The following TTC6 variants were observed in gnomAD, a reference collection of about 807,000 sequenced individuals.
TTC6 encodes the protein tetratricopeptide repeat protein 6.
A neutral mutation model predicts 210.4 loss-of-function variants in TTC6; 172 were observed. The ratio of observed to expected loss-of-function variants is 0.82; its 90% CI spans 0.72 to 0.93. The LOEUF is 0.93. TTC6 is among the 40% of genes least tolerant of loss of function. The pLI is 0.00. For missense variants in TTC6, 2,414 were observed against 2,318.1 expected (o/e 1.04, Z -0.85); for synonymous variants, 804 against 819.6 (o/e 0.98, Z 0.32).
At chr14:37,603,285 C>A (rs1456770526) in intron 1 of TTC6, among the ~76,000 whole-genome samples, 1 of 152,204 alleles carries the variant, frequency 6.6e-6, no homozygotes, top group East Asian at 1.9e-4. Context: ...GAGCCTGGAC[C>A]TGATGCCCGG....
exon 1 of TTC6, chr14:37,622,670 G>C (rs1038318103): frequency 6.5e-7 from 1 of 1,535,210 alleles, no homozygotes; most frequent in Admixed American, 2.0e-5. Flanking sequence ...TGGCCAAAGA[G>C]AGGAAGGCCA....
At chr14:37,650,445 A>G (rs981835601) in intron 1 of TTC6, among the ~76,000 whole-genome samples, 1 of 152,230 alleles carries the variant, frequency 6.6e-6, no homozygotes, top group Non-Finnish European at 1.5e-5. Flanking sequence ...TCATCCTAAT[A>G]TCTTATTCTA....
At chr14:37,658,064 A>G (rs915182624) in intron 1 of TTC6, among the ~76,000 whole-genome samples, 1 of 152,232 alleles carries the variant, frequency 6.6e-6, no homozygotes, top group Non-Finnish European at 1.5e-5. Context: ...AGACAAAATC[A>G]AGGATAGTAT....
At chr14:37,776,921 C>A (rs1008566788) in intron 14 of TTC6, among the ~76,000 whole-genome samples, 16 of 152,042 alleles carry the variant, frequency 1.1e-4, no homozygotes, top group Admixed American at 5.9e-4. Context: ...TGAATATGGG[C>A]CCCCAATCTC....
At chr14:37,764,369 G>C (rs1305118087) in intron 14 of TTC6, among the ~76,000 whole-genome samples, 4 of 152,084 alleles carry the variant, frequency 2.6e-5, no homozygotes, top group African/African-American at 9.7e-5. Flanking sequence ...TGAAAGTGAG[G>C]TATTGAAGTC....
intron 5 of TTC6, among the ~76,000 whole-genome samples, chr14:37,704,178 C>T (rs893449582): frequency 1.3e-5 from 2 of 152,086 alleles, no homozygotes; most frequent in African/African-American, 4.8e-5. Context: ...CCTTGAACTC[C>T]TGGGCTCCTC....
chr14:37,742,093 T>C (rs1177304101), intron 10 of TTC6, among the ~76,000 whole-genome samples: 1 of 152,200 alleles, frequency 6.6e-6, no homozygotes, highest in Non-Finnish European at 1.5e-5. Context: ...CCTCTTGATC[T>C]CTACCAACGT....
At chr14:37,687,747 AAGATTCATC>A (rs2095796664) in intron 3 of TTC6, among the ~76,000 whole-genome samples, 2 of 152,106 alleles carry the variant, frequency 1.3e-5, no homozygotes, top group African/African-American at 2.4e-5. Flanking sequence ...CAGTTGTGGT[AAGATTCATC>A]ACCTCCTAAC....
At chr14:37,773,247 C>G (rs2096026139) in intron 14 of TTC6, among the ~76,000 whole-genome samples, 1 of 152,176 alleles carries the variant, frequency 6.6e-6, no homozygotes, top group Non-Finnish European at 1.5e-5. Flanking sequence ...GTTTCTTTTG[C>G]TGTGCAGAAG....
intron 14 of TTC6, among the ~76,000 whole-genome samples, chr14:37,771,595 T>G (rs1436343910): frequency 6.6e-6 from 1 of 152,212 alleles, no homozygotes; most frequent in African/African-American, 2.4e-5. Context: ...GTTGATTGCA[T>G]TGGCTCCTGA....
intron 1 of TTC6, among the ~76,000 whole-genome samples, chr14:37,642,469 G>C (rs1397869272): frequency 6.6e-6 from 1 of 152,154 alleles, no homozygotes; most frequent in Non-Finnish European, 1.5e-5. Flanking sequence ...ATGAATAAAA[G>C]ATAAAATCTT....
At chr14:37,690,362 A>G (rs1208697120) in intron 3 of TTC6, among the ~76,000 whole-genome samples, 1 of 152,116 alleles carries the variant, frequency 6.6e-6, no homozygotes, top group African/African-American at 2.4e-5. Flanking sequence ...ATGGCAAGAG[A>G]AAGTCCTTAC....
exon 1 of TTC6, chr14:37,622,989 G>A: frequency 2.0e-6 from 3 of 1,473,018 alleles, no homozygotes; most frequent in African/African-American, 2.8e-5. Context: ...CCAGAACTAC[G>A]ACATTACAAT....
chr14:37,748,565 A>G (rs1210839687), intron 10 of TTC6, among the ~76,000 whole-genome samples: 1 of 147,884 alleles, frequency 6.8e-6, no homozygotes, highest in African/African-American at 2.5e-5. Context: ...CCTCAAGTTC[A>G]TGTCCTCTTT....
intron 1 of TTC6, among the ~76,000 whole-genome samples, chr14:37,663,736 CACTT>C (rs1414994446): frequency 6.6e-6 from 1 of 151,966 alleles, no homozygotes; most frequent in African/African-American, 2.4e-5. Flanking sequence ...CCCAAATCAG[CACTT>C]ACTTTAAAAA....
At chr14:37,787,795 T>C (rs1000951328) in intron 15 of TTC6, among the ~76,000 whole-genome samples, 158 bp downstream of exon 17, 56 of 152,284 alleles carry the variant, frequency 3.7e-4, no homozygotes, top group African/African-American at 1.2e-3. Flanking sequence ...CTTACGCATT[T>C]TAATATTCTT....
intron 25 of TTC6, among the ~76,000 whole-genome samples, chr14:37,816,576 C>T (rs918544967): frequency 1.3e-5 from 2 of 152,126 alleles, no homozygotes; most frequent in Admixed American, 1.3e-4. Flanking sequence ...AGGAAGATTC[C>T]TGCTGAAGCA....
chr14:37,688,417 G>A (rs1000589783), intron 3 of TTC6, among the ~76,000 whole-genome samples: 2 of 152,094 alleles, frequency 1.3e-5, no homozygotes, highest in South Asian at 2.1e-4. Context: ...CCTGCTGATC[G>A]TAGAGCTCTA....
At chr14:37,768,661 G>T (rs892421475) in intron 14 of TTC6, among the ~76,000 whole-genome samples, 1 of 151,058 alleles carries the variant, frequency 6.6e-6, no homozygotes, top group African/African-American at 2.4e-5. Context: ...TGTATCCTGA[G>T]ACTTTGCTGA....
Sources: allele counts gnomAD v4.1 joint callset (sites outside exome capture counted in the v4.1 genomes callset), GRCh38; gene constraint gnomAD v4.1.1; transcripts MANE v1.5; gene names NCBI Gene and HGNC (gene_info 2026-07-23, HGNC 2026-07-21).